Variants in ST8SIA4 observed in about 807,000 individuals in gnomAD.
ST8SIA4 encodes the protein ST8 alpha-N-acetyl-neuraminide alpha-2,8-sialyltransferase 4, also known as CMP-N-acetylneuraminate-poly-alpha-2,8-sialyltransferase.
A neutral mutation model predicts 33.9 loss-of-function variants in ST8SIA4; 15 were observed. That is an observed-to-expected ratio of 0.44 (90% CI 0.30 to 0.68). The LOEUF (loss-of-function observed/expected upper bound fraction) is 0.68. ST8SIA4 is among the 30% of genes least tolerant of loss of function. ST8SIA4 has a pLI of 0.10. For missense variants in ST8SIA4, 321 were observed against 428.0 expected (o/e 0.75, Z 2.21); for synonymous variants, 171 against 151.2 (o/e 1.13, Z -0.96).
At chr5:100,812,992 T>TA (rs1288673979) in intron 4 of ST8SIA4, among the ~76,000 whole-genome samples, 1 of 151,930 alleles carries the variant, frequency 6.6e-6, no homozygotes, top group Non-Finnish European at 1.5e-5. Flanking sequence ...TGTCCAATGA[T>TA]AAACACAAAA....
chr5:100,902,819 C>T (rs1057423402), intron 1 of ST8SIA4, 24 bp downstream of exon 1: 1 of 1,580,268 alleles, frequency 6.3e-7, no homozygotes, highest in African/African-American at 1.3e-5. Flanking sequence ...TTTGTCATAT[C>T]CTGAAATGAA....
At chr5:100,852,489 T>C (rs1457099749) in intron 4 of ST8SIA4, among the ~76,000 whole-genome samples, 1 of 2,878 alleles carries the variant, frequency 3.5e-4, no homozygotes, top group East Asian at 0.022. Context: ...GCAGCCCATG[T>C]GTGGGGCTTC....
chr5:100,872,647 T>A (rs1265964834), intron 3 of ST8SIA4, among the ~76,000 whole-genome samples: 1 of 152,112 alleles, frequency 6.6e-6, no homozygotes, highest in Non-Finnish European at 1.5e-5. Context: ...ACTCATTCTC[T>A]TTCCTGCCAC....
intron 3 of ST8SIA4, among the ~76,000 whole-genome samples, chr5:100,874,782 T>C (rs957646921): frequency 1.3e-5 from 2 of 151,946 alleles, no homozygotes; most frequent in Admixed American, 1.3e-4. Flanking sequence ...AGGAGTTTTA[T>C]CATGTTGCCC....
In ST8SIA4 at chr5:100,811,391, G is replaced by A. The variant is rs1452284477; in HGVS notation, c.*456C>T. The stretch of plus-strand genomic sequence containing the variant: ...AGTCCTGACTGAAGCATTTACTTGA[G>A]TTGTTTAATCTTACGGATTTCATTG... On this transcript the variant is annotated 3_prime_UTR_variant, in exon 5 of 5. Transcript: ENST00000231461. The A allele has an allele frequency of 6.5e-6, 1 of 153,764 alleles. No individual in the cohort carries two copies. Among genetic ancestry groups the A allele is most frequent in the Non-Finnish European group, 1.4e-5 (1 of 69,056 alleles). 9.5% of individuals were successfully genotyped at this position (153,764 alleles called of 1,614,324 possible). A position where few individuals can be genotyped will look rare whatever the true frequency, so the allele number is the denominator to read the frequency against.
chr5:100,821,847 T>G (rs373149635), intron 4 of ST8SIA4, among the ~76,000 whole-genome samples: 1 of 152,220 alleles, frequency 6.6e-6, no homozygotes, highest in East Asian at 1.9e-4. Context: ...TTTTTATTCC[T>G]GCCATAAAGG....
intron 4 of ST8SIA4, among the ~76,000 whole-genome samples, chr5:100,821,834 C>T (rs1018190547): frequency 3.4e-4 from 51 of 152,156 alleles, no homozygotes; most frequent in Non-Finnish European, 5.3e-4. Context: ...TCTTTATTCT[C>T]TATTTTTATT....
rs547724142 is a variant in ST8SIA4, at chr5:100,849,100, T to C, written c.797+7003A>G. ...TCTTTATTATCATAATTACCAAAAATTTAATGAACCTGTTTAGGAAGTTAC... is the reference window on the plus strand; with the variant it reads ...TCTTTATTATCATAATTACCAAAAACTTAATGAACCTGTTTAGGAAGTTAC... On this transcript the variant is annotated intron_variant, in intron 4 of 4. Transcript: ENST00000231461. 25 of 942,212 alleles carry C rather than the reference T, an allele frequency of 2.7e-5. No homozygotes were observed. In the East Asian group the frequency reaches 2.9e-3, roughly 109 times the overall value. 58.4% of individuals were successfully genotyped at this position (942,212 alleles called of 1,614,324 possible). A position where few individuals can be genotyped will look rare whatever the true frequency, so the allele number is the denominator to read the frequency against.
At chr5:100,866,286 A>G (rs1752058079) in intron 3 of ST8SIA4, among the ~76,000 whole-genome samples, 2 of 152,086 alleles carry the variant, frequency 1.3e-5, no homozygotes, top group Non-Finnish European at 2.9e-5. Context: ...AGGGCCTATC[A>G]GTCAAAGCCC....
At chr5:100,850,802 A>G (rs74344418) in intron 4 of ST8SIA4, among the ~76,000 whole-genome samples, 31 of 34,586 alleles carry the variant, frequency 9.0e-4, no homozygotes, top group Middle Eastern at 0.028. Context: ...TATATATAAC[A>G]TGTGTGTGTA....
chr5:100,831,907 G>A (rs1029139404), intron 4 of ST8SIA4, among the ~76,000 whole-genome samples: 3 of 152,036 alleles, frequency 2.0e-5, no homozygotes, highest in African/African-American at 7.2e-5. Context: ...AGAAATGATG[G>A]GAATCTACAT....
intron 4 of ST8SIA4, among the ~76,000 whole-genome samples, chr5:100,836,995 A>AACACACACACAC (rs143119843): frequency 1.4e-3 from 198 of 146,396 alleles, no homozygotes; most frequent in African/African-American, 4.8e-3. Context: ...TTAGTGCTAA[A>AACACACACACAC]ACACACACAC....
chr5:100,849,469 A>G (rs1751639433), intron 4 of ST8SIA4: 1 of 985,108 alleles, frequency 1.0e-6, no homozygotes, highest in Middle Eastern at 5.2e-4. Flanking sequence ...TGCAAAATAC[A>G]TATGTGAGCT....
chr5:100,896,408 G>C (rs1752781826), intron 1 of ST8SIA4, among the ~76,000 whole-genome samples: 1 of 152,022 alleles, frequency 6.6e-6, no homozygotes, highest in Admixed American at 6.6e-5. Flanking sequence ...GGAAATCATA[G>C]AAGTAGAGAA....
intron 1 of ST8SIA4, 21 bp downstream of exon 1, chr5:100,902,822 G>T: frequency 6.3e-7 from 1 of 1,581,736 alleles, no homozygotes; most frequent in Middle Eastern, 1.7e-4. Context: ...GTCATATCCT[G>T]AAATGAAGCT....
chr5:100,884,960 G>T (rs1266667436), intron 3 of ST8SIA4, among the ~76,000 whole-genome samples: 4 of 147,796 alleles, frequency 2.7e-5, no homozygotes, highest in Non-Finnish European at 1.5e-5. Flanking sequence ...TCCCTATTGC[G>T]ATTGTTGAAA....
chr5:100,811,485 C>T lies in ST8SIA4; in HGVS notation c.*362G>A. 1 of 165,926 alleles carries T rather than the reference C, an allele frequency of 6.0e-6. No homozygotes were observed. The highest frequency in any genetic ancestry group is 1.3e-5 in the Non-Finnish European group (1 of 76,582). 10.3% of individuals were successfully genotyped at this position (165,926 alleles called of 1,614,324 possible). A position where few individuals can be genotyped will look rare whatever the true frequency, so the allele number is the denominator to read the frequency against. ...AATTTCCCAAGGTCTGAGTTGCGTT[C>T]CTGGGGTTCCTCTTCTAATATGCTT... On this transcript the variant is annotated 3_prime_UTR_variant, in exon 5 of 5. Coordinates refer to ENST00000231461, the MANE Select transcript of ST8SIA4 (RefSeq NM_005668.6).
chr5:100,879,903 A>G (rs1331848803), intron 3 of ST8SIA4, among the ~76,000 whole-genome samples: 1 of 152,160 alleles, frequency 6.6e-6, no homozygotes, highest in African/African-American at 2.4e-5. Flanking sequence ...CTAAGGTTTT[A>G]GAGGAGATGA....
chr5:100,891,746 C>A, intron 2 of ST8SIA4, among the ~76,000 whole-genome samples: 1 of 151,958 alleles, frequency 6.6e-6, no homozygotes, highest in Non-Finnish European at 1.5e-5. Flanking sequence ...CATTTGGGTA[C>A]TAAAATATAT....
Sources: gnomAD v4.1 joint callset for allele counts (sites outside exome capture counted in the v4.1 genomes callset) on GRCh38, gnomAD v4.1.1 for gene constraint, MANE v1.5 for transcripts, NCBI Gene and HGNC (gene_info 2026-07-23, HGNC 2026-07-21) for gene names.